Variants in COL22A1 observed in about 807,000 individuals in gnomAD.
The protein encoded by COL22A1 is collagen type XXII alpha 1 chain.
A neutral mutation model predicts 248.9 loss-of-function variants in COL22A1; 221 were observed. The observed-to-expected ratio is 0.89, with a 90% CI of 0.80 to 0.99. COL22A1 has a LOEUF of 0.99. Ranked by LOEUF, COL22A1 falls within the 50% of genes least tolerant of loss-of-function variation. The pLI, the probability that COL22A1 is intolerant of heterozygous loss-of-function variation, is 0.00. For missense variants in COL22A1, 2,240 were observed against 2,179.0 expected, an observed-to-expected ratio of 1.03 and a Z score of -0.56; for synonymous variants, 891 against 793.4, an observed-to-expected ratio of 1.12 and a Z score of -2.07.
intron 46 of COL22A1, among the ~76,000 whole-genome samples, chr8:138,648,229 CGAGGA>C (rs1204816010): frequency 3.3e-5 from 5 of 152,268 alleles, no homozygotes; most frequent in Admixed American, 6.5e-5. Context: ...GGAGAAATTT[CGAGGA>C]CTGTGGCACG....
rs932138150 is a variant in COL22A1, at chr8:138,800,049, C to A, written c.1557+2823G>T. 3.3e-5 allele frequency among the ~76,000 whole-genome samples: 5 copies of A among 152,156 alleles called. No homozygotes were observed. The East Asian group carries it at 9.6e-4, about 29-fold the overall frequency. ...CTTTGGGGAGAGCTTCAGAGTTCTT[C>A]GTTCCTAAGGATTGTACCCTGGGCT... is the stretch of plus-strand genomic sequence containing the variant. On this transcript the variant is annotated intron_variant, in intron 11 of 64. Coordinates refer to ENST00000303045, the MANE Select transcript of COL22A1 (RefSeq NM_152888.3).
intron 15 of COL22A1, among the ~76,000 whole-genome samples, chr8:138,777,619 T>C (rs1314753670): frequency 6.6e-6 from 1 of 152,120 alleles, no homozygotes; most frequent in Non-Finnish European, 1.5e-5. Context: ...ACATACAGTG[T>C]TTGGTTTTCT....
intron 55 of COL22A1, among the ~76,000 whole-genome samples, chr8:138,615,071 C>G (rs994865693): frequency 6.6e-6 from 1 of 152,194 alleles, no homozygotes; most frequent in Non-Finnish European, 1.5e-5. Context: ...GTCCAGCCAC[C>G]CTGCAGGACG....
intron 1 of COL22A1, among the ~76,000 whole-genome samples, chr8:138,884,740 G>T (rs1449061028): frequency 6.6e-6 from 1 of 152,150 alleles, no homozygotes; most frequent in Non-Finnish European, 1.5e-5. Context: ...AGGGCTAGGA[G>T]GGGTTAGCCA....
intron 41 of COL22A1, among the ~76,000 whole-genome samples, chr8:138,665,840 T>A (rs1196747673): frequency 6.6e-6 from 1 of 152,090 alleles, no homozygotes; most frequent in East Asian, 1.9e-4. Flanking sequence ...CATGGCATTA[T>A]CCAGAAAGAT....
intron 46 of COL22A1, among the ~76,000 whole-genome samples, chr8:138,647,392 T>C (rs1348513272): frequency 6.6e-6 from 1 of 152,214 alleles, no homozygotes; most frequent in Non-Finnish European, 1.5e-5. Flanking sequence ...TATTTGTTGT[T>C]TTAAGCCACT....
At position 138,685,272 on chromosome 8, in the gene COL22A1, G is replaced by A; in HGVS notation, c.2903C>T (p.Pro968Leu). 1 of 1,613,810 alleles carries A rather than the reference G, an allele frequency of 6.2e-7. No individual in the cohort carries two copies. The highest frequency in any genetic ancestry group is 8.5e-7 in the Non-Finnish European group (1 of 1,179,900). ...GEEGSPGPVG[P>L]RGDPGAPGLP... ...CCCAGGAGCACCAGGATCTCCCCTG[G>A]GACCAACTGGCCCTGGGCTGCCTTC... Residue 968 changes from proline (P) to leucine (L), a missense_variant, in exon 38 of 65, where the codon CCC (proline) becomes CTC (leucine). Physicochemically the swap from Pro to Leu is moderately conservative, Grantham distance 98 (BLOSUM62 -3). Transcript: ENST00000303045.
chr8:138,752,412 C>G (rs901866365), intron 21 of COL22A1, among the ~76,000 whole-genome samples: 6 of 152,228 alleles, frequency 3.9e-5, no homozygotes, highest in Non-Finnish European at 8.8e-5. Flanking sequence ...CGTGACCAAG[C>G]TGCATTTACA....
At chr8:138,731,497 G>A (rs951540911) in intron 23 of COL22A1, among the ~76,000 whole-genome samples, 2 of 152,132 alleles carry the variant, frequency 1.3e-5, no homozygotes, top group Non-Finnish European at 2.9e-5. Flanking sequence ...TGGTGATGCG[G>A]TGACCAGCTG....
At chr8:138,772,109 C>T (rs1392375450) in intron 16 of COL22A1, among the ~76,000 whole-genome samples, 3 of 152,202 alleles carry the variant, frequency 2.0e-5, no homozygotes, top group Non-Finnish European at 4.4e-5. Flanking sequence ...TTTAAACCCA[C>T]CCGCACATCG....
At chr8:138,896,926 T>C (rs967045099) in intron 1 of COL22A1, among the ~76,000 whole-genome samples, 1 of 151,974 alleles carries the variant, frequency 6.6e-6, no homozygotes. Flanking sequence ...TGAGCCAAGA[T>C]TGTGCCACTG....
At chr8:138,693,463 G>GT (rs1311789396) in intron 35 of COL22A1, among the ~76,000 whole-genome samples, 183 bp downstream of exon 35, 1 of 152,198 alleles carries the variant, frequency 6.6e-6, no homozygotes, top group African/African-American at 2.4e-5. Context: ...GAAATGCTAC[G>GT]AAGGTGGTGG....
chr8:138,619,571 C>G (rs1238933440), intron 52 of COL22A1, 63 bp from the exon 53 acceptor site: 56 of 1,498,176 alleles, frequency 3.7e-5, no homozygotes, highest in Non-Finnish European at 4.8e-5. Context: ...CTATTCCTGG[C>G]TCTCTGTGTT....
chr8:138,880,340 GC>G (rs1221163504), intron 2 of COL22A1, among the ~76,000 whole-genome samples: 5 of 152,150 alleles, frequency 3.3e-5, no homozygotes, highest in Admixed American at 2.6e-4. Flanking sequence ...GAAAACCTGT[GC>G]GTGTGTGTGC....
At chr8:138,682,790 C>T (rs1389328282) in intron 39 of COL22A1, among the ~76,000 whole-genome samples, 1 of 152,148 alleles carries the variant, frequency 6.6e-6, no homozygotes, top group Non-Finnish European at 1.5e-5. Context: ...ACCTCCGCCT[C>T]CTGAGTTCAA....
intron 12 of COL22A1, among the ~76,000 whole-genome samples, chr8:138,795,973 T>G (rs541437322): frequency 6.6e-6 from 1 of 152,178 alleles, no homozygotes; most frequent in South Asian, 2.1e-4. Context: ...AACAGCACTA[T>G]GTTTTGAGTC....
In COL22A1 at chr8:138,670,302, C is replaced by T. The variant is rs527364858; in HGVS notation, c.3150+6256G>A. Among the ~76,000 whole-genome samples, 103 of 152,298 alleles carry T rather than the reference C, an allele frequency of 6.8e-4. No individual in the cohort carries two copies. The Middle Eastern group carries it at 0.01, about 15-fold the overall frequency. On this transcript the variant is annotated intron_variant, in intron 41 of 64. Coordinates refer to ENST00000303045, the MANE Select transcript of COL22A1 (RefSeq NM_152888.3). The stretch of plus-strand genomic sequence containing the variant: ...AAGGTGGTGTGTGGCTTTACACCTT[C>T]CTCAGCCTCCTCCTTCACTACCCAC...
chr8:138,903,714 T>C (rs889477681), intron 1 of COL22A1, among the ~76,000 whole-genome samples: 2 of 152,172 alleles, frequency 1.3e-5, no homozygotes, highest in Admixed American at 1.3e-4. Context: ...TATCAGTTGA[T>C]GGGGTACATG....
Position 138,621,913 on chromosome 8 carries a change from C to A in COL22A1, c.3771+1819G>T, listed in dbSNP as rs1216185762. On this transcript the variant is annotated intron_variant, in intron 52 of 64. Coordinates refer to ENST00000303045, the MANE Select transcript of COL22A1 (RefSeq NM_152888.3). ...ATGGGCAGCTCTGCTGGGTGTCAGT[C>A]CACAGTAGCTCGTTGAGACTTTTCA... Among the ~76,000 whole-genome samples the A allele has an allele frequency of 2.0e-5, 3 of 152,182 alleles. No homozygotes were observed. In the East Asian group the frequency reaches 5.8e-4, roughly 29 times the overall value.
Sources: allele counts gnomAD v4.1 joint callset (sites outside exome capture counted in the v4.1 genomes callset), GRCh38; gene constraint gnomAD v4.1.1; transcripts MANE v1.5; gene names NCBI Gene and HGNC (gene_info 2026-07-23, HGNC 2026-07-21).